Variants in CCNY observed in about 807,000 individuals in gnomAD.
The protein encoded by CCNY is cyclin Y.
A neutral mutation model predicts 42.8 loss-of-function variants in CCNY; 19 were observed. The observed-to-expected ratio is 0.44, with a 90% CI of 0.31 to 0.65. CCNY has a LOEUF of 0.65. Ranked by LOEUF, CCNY falls within the 30% of genes least tolerant of loss-of-function variation. CCNY has a pLI of 0.07. For synonymous variants in CCNY, 165 were observed against 162.7 expected (o/e 1.01, Z -0.11); for missense variants, 370 against 437.3 (o/e 0.85, Z 1.37).
Position 35,563,764 on chromosome 10 carries a change from T to TG in CCNY, c.747-2255dup, listed in dbSNP as rs564951037. On this transcript the variant is annotated intron_variant, in intron 8 of 9. Transcript: ENST00000374704. Reference sequence around the variant, plus strand: ...TCTCGTTGCCCAGGCTGGAGTGCAGTGGGGCAATCTCGGCTCACTGCAACT... The same window carrying TG: ...TCTCGTTGCCCAGGCTGGAGTGCAGTGGGGGCAATCTCGGCTCACTGCAACT... 2.3e-3 allele frequency among the ~76,000 whole-genome samples: 344 copies of TG among 152,300 alleles called. 1 individual carries two copies. The highest frequency in any genetic ancestry group is 7.8e-3 in the African/African-American group (324 of 41,552).
At chr10:35,339,810 A>C (rs1836134202) in intron 1 of CCNY, among the ~76,000 whole-genome samples, 1 of 152,142 alleles carries the variant, frequency 6.6e-6, no homozygotes, top group Non-Finnish European at 1.5e-5. Flanking sequence ...ATGGTGCTTA[A>C]TGGCAACTTA....
chr10:35,357,016 TTGTC>T (rs1836567974), intron 1 of CCNY, among the ~76,000 whole-genome samples: 1 of 152,312 alleles, frequency 6.6e-6, no homozygotes, highest in African/African-American at 2.4e-5. Context: ...GCTTCCAACT[TTGTC>T]TGTCTCAGGC....
At chr10:35,563,970 G>A (rs780621162) in intron 8 of CCNY, among the ~76,000 whole-genome samples, 23 of 151,168 alleles carry the variant, frequency 1.5e-4, no homozygotes, top group African/African-American at 4.4e-4. Context: ...TCCACCTCCC[G>A]GGTTCAAGTG....
chr10:35,379,580 G>T (rs964109837), intron 1 of CCNY, among the ~76,000 whole-genome samples: 1 of 152,222 alleles, frequency 6.6e-6, no homozygotes, highest in Non-Finnish European at 1.5e-5. Context: ...GCTGAAGTCT[G>T]CATGATCACA....
intron 1 of CCNY, among the ~76,000 whole-genome samples, chr10:35,404,383 G>A (rs1279007982): frequency 6.6e-6 from 1 of 152,156 alleles, no homozygotes; most frequent in Non-Finnish European, 1.5e-5. Context: ...AGCTAGTGTG[G>A]GGGCAGCTTC....
intron 3 of CCNY, among the ~76,000 whole-genome samples, chr10:35,317,243 G>A (rs1835771217): frequency 6.6e-6 from 1 of 152,072 alleles, no homozygotes; most frequent in African/African-American, 2.4e-5. Context: ...CTCCCACCTT[G>A]GTCTTCCAAT....
intron 1 of CCNY, among the ~76,000 whole-genome samples, chr10:35,346,823 C>T (rs940190015): frequency 3.3e-5 from 5 of 152,152 alleles, no homozygotes; most frequent in Non-Finnish European, 5.9e-5. Flanking sequence ...GACAGGGTTA[C>T]GCCTTGTTGC....
chr10:35,424,518 G>A (rs1239915771), intron 1 of CCNY, among the ~76,000 whole-genome samples: 2 of 152,198 alleles, frequency 1.3e-5, no homozygotes, highest in Non-Finnish European at 2.9e-5. Context: ...GAGCCACCGC[G>A]CCCAGCCGTT....
At chr10:35,289,818 G>C (rs1835390870) in intron 3 of CCNY, among the ~76,000 whole-genome samples, 1 of 148,258 alleles carries the variant, frequency 6.7e-6, no homozygotes, top group Admixed American at 6.9e-5. Flanking sequence ...AGGTTGTTTT[G>C]CAGTGAGCTG....
In CCNY at chr10:35,436,662, C is replaced by T. The variant is rs904963534; in HGVS notation, c.155-46742C>T. The stretch of plus-strand genomic sequence containing the variant: ...TCCATGACTTTGAGATCCTTAAATA[C>T]GTTACCTTTTTAGAACTGGTGGTGG... On this transcript the variant is annotated intron_variant, in intron 1 of 9. Coordinates refer to ENST00000374704, the MANE Select transcript of CCNY (RefSeq NM_145012.6). Among the ~76,000 whole-genome samples, 16 of 152,326 alleles carry T rather than the reference C, an allele frequency of 1.1e-4. 2 individuals carry two copies. Among genetic ancestry groups the T allele is most frequent in the Admixed American group, 2.6e-4 (4 of 15,304 alleles).
At chr10:35,561,805 C>T (rs1200576059) in intron 8 of CCNY, among the ~76,000 whole-genome samples, 3 of 152,234 alleles carry the variant, frequency 2.0e-5, no homozygotes, top group African/African-American at 4.8e-5. Flanking sequence ...TGTGCAGCTG[C>T]GTATCTGTGG....
intron 1 of CCNY, among the ~76,000 whole-genome samples, chr10:35,368,158 T>C (rs1432844700): frequency 1.3e-5 from 2 of 152,230 alleles, no homozygotes; most frequent in Non-Finnish European, 2.9e-5. Flanking sequence ...AGCTTTGTAG[T>C]GGAAAAACAC....
chr10:35,374,039 AAGGTGTTCAT>A (rs1366554537), intron 1 of CCNY, among the ~76,000 whole-genome samples: 70 of 152,358 alleles, frequency 4.6e-4, no homozygotes, highest in African/African-American at 1.5e-3. Flanking sequence ...GACACATAAT[AAGGTGTTCAT>A]AACATTTATA....
intron 1 of CCNY, among the ~76,000 whole-genome samples, chr10:35,423,045 GT>G (rs1338770245): frequency 1.3e-5 from 2 of 152,198 alleles, no homozygotes; most frequent in African/African-American, 4.8e-5. Context: ...TATTTCTAGT[GT>G]TTTGTATGCT....
At chr10:35,482,035 G>C (rs1164824176) in intron 1 of CCNY, among the ~76,000 whole-genome samples, 1 of 152,174 alleles carries the variant, frequency 6.6e-6, no homozygotes, top group African/African-American at 2.4e-5. Flanking sequence ...ATCTGTTTAA[G>C]ATTCAATAGA....
At position 35,298,768 on chromosome 10, in the gene CCNY, C is replaced by T. The variant is rs183730398; in HGVS notation, c.-9+48142C>T. On this transcript the variant is annotated intron_variant, in intron 3 of 11. Coordinates refer to the CCNY transcript ENST00000374706. ...AAACTCCTGGCTTCATGTGGTGCTG[C>T]ACTTCAGTCTCTCAAAGTGCTGAGA... Among the ~76,000 whole-genome samples the T allele has an allele frequency of 3.0e-4, 45 of 152,280 alleles. No homozygotes were observed. The East Asian group carries it at 8.1e-3, about 27-fold the overall frequency.
intron 3 of CCNY, among the ~76,000 whole-genome samples, chr10:35,286,655 C>CTTTTT (rs1192327536): frequency 8.9e-6 from 1 of 112,248 alleles, no homozygotes; most frequent in Non-Finnish European, 1.9e-5. Context: ...CGTGCCCAGC[C>CTTTTT]TTTTTTTTTT....
At chr10:35,505,123 A>G (rs578159646) in intron 3 of CCNY, among the ~76,000 whole-genome samples, 1 of 151,578 alleles carries the variant, frequency 6.6e-6, no homozygotes, top group African/African-American at 2.4e-5. Context: ...GTGACATTGT[A>G]GGTGGTTGGA....
chr10:35,470,159 A>G (rs1162531893), intron 1 of CCNY, among the ~76,000 whole-genome samples: 1 of 151,626 alleles, frequency 6.6e-6, no homozygotes, highest in Non-Finnish European at 1.5e-5. Flanking sequence ...GGAGAGACAG[A>G]CAGGGAGATG....
Sources: gnomAD v4.1 joint callset for allele counts (sites outside exome capture counted in the v4.1 genomes callset) on GRCh38, gnomAD v4.1.1 for gene constraint, MANE v1.5 for transcripts, NCBI Gene and HGNC (gene_info 2026-07-23, HGNC 2026-07-21) for gene names.